Variants in SORCS3 observed in about 807,000 individuals in gnomAD.
SORCS3 encodes the protein sortilin related VPS10 domain containing receptor 3, also known as VPS10 domain-containing receptor SorCS3.
SORCS3 carries 57 observed loss-of-function variants against 146.3 expected under a neutral mutation model. That is an observed-to-expected ratio of 0.39 (90% CI 0.31 to 0.49). SORCS3 has a LOEUF of 0.49. Ranked by LOEUF, SORCS3 falls within the 20% of genes least tolerant of loss-of-function variation. SORCS3 has a pLI of 0.92. For synonymous variants in SORCS3, 653 were observed against 618.5 expected, an observed-to-expected ratio of 1.06 and a Z score of -0.83; for missense variants, 1,341 against 1,575.5, an observed-to-expected ratio of 0.85 and a Z score of 2.52.
chr10:104,646,135 C>T lies in SORCS3; in HGVS notation c.627+4181C>T, dbSNP rs116087129. On this transcript the variant is annotated intron_variant, in intron 1 of 26. Transcript: ENST00000369701. ...CCTGGTCATTGTTGGTCTGAGGGGC[C>T]GTAGGGAGAGGAGGAGCTGGGCACA... 4.2e-3 allele frequency among the ~76,000 whole-genome samples: 645 copies of T among 152,224 alleles called. 5 individuals are homozygous for T. Among genetic ancestry groups the T allele is most frequent in the African/African-American group, 0.014 (590 of 41,526 alleles).
At chr10:104,715,607 A>G (rs1407325714) in intron 1 of SORCS3, among the ~76,000 whole-genome samples, 1 of 152,212 alleles carries the variant, frequency 6.6e-6, no homozygotes, top group Non-Finnish European at 1.5e-5. Flanking sequence ...AGTACAGTAC[A>G]TCGAAGGGGT....
intron 1 of SORCS3, among the ~76,000 whole-genome samples, chr10:104,835,265 T>C (rs901073175): frequency 1.3e-5 from 2 of 152,190 alleles, no homozygotes; most frequent in Non-Finnish European, 2.9e-5. Context: ...AATACACTCC[T>C]GCAGGCAGTC....
At chr10:104,912,877 C>A (rs1589546868) in intron 2 of SORCS3, among the ~76,000 whole-genome samples, 3 of 152,058 alleles carry the variant, frequency 2.0e-5, no homozygotes, top group East Asian at 3.9e-4. Flanking sequence ...GTGATTAATC[C>A]CCCCCGGGAA....
chr10:104,735,053 C>T (rs936028887), intron 1 of SORCS3, among the ~76,000 whole-genome samples: 4 of 152,182 alleles, frequency 2.6e-5, no homozygotes, highest in Middle Eastern at 3.4e-3. Context: ...GAAATTATTT[C>T]CCCAGAACAG....
intron 4 of SORCS3, among the ~76,000 whole-genome samples, chr10:105,013,242 T>G (rs1045826518): frequency 2.6e-5 from 4 of 152,136 alleles, no homozygotes; most frequent in African/African-American, 9.7e-5. Context: ...GATGAGTACT[T>G]CTTTAACCTA....
intron 12 of SORCS3, 69 bp from the exon 13 acceptor site, chr10:105,167,189 G>A: frequency 1.6e-6 from 2 of 1,241,068 alleles, no homozygotes; most frequent in South Asian, 2.6e-5. Flanking sequence ...GTGAAAGACT[G>A]TAAACTGTTA....
rs1369769134 is a variant in SORCS3, at chr10:105,105,520, G to C, written c.1212+5G>C. ...GATGAATATATCTTCATTCAGGTGA[G>C]TACAGAAAGTGCAGTTGGTGGTAGG... On this transcript the variant is annotated splice_donor_5th_base_variant and intron_variant, in intron 7 of 26. Coordinates refer to ENST00000369701, the MANE Select transcript of SORCS3 (RefSeq NM_014978.3). 1 of 1,586,806 alleles carries C rather than the reference G, an allele frequency of 6.3e-7. No individual in the cohort carries two copies. The highest frequency in any genetic ancestry group is 1.1e-5 in the South Asian group (1 of 90,450).
intron 4 of SORCS3, among the ~76,000 whole-genome samples, chr10:105,026,727 A>C (rs2055234331): frequency 6.6e-6 from 1 of 152,246 alleles, no homozygotes. Flanking sequence ...TAAGGCAGAA[A>C]TGCAAAACCA....
chr10:104,681,331 CCCCG>C (rs140007137), intron 1 of SORCS3, among the ~76,000 whole-genome samples: 148,346 of 151,930 alleles, frequency 0.98, 72,479 homozygotes, highest in East Asian at 1. Context: ...CGTCATCCTC[CCCCG>C]CCCGCCCCTG....
chr10:104,779,977 G>T (rs1167354692), intron 1 of SORCS3, among the ~76,000 whole-genome samples: 1 of 152,146 alleles, frequency 6.6e-6, no homozygotes, highest in African/African-American at 2.4e-5. Flanking sequence ...AGGGAGGCTT[G>T]ACATGTGAAT....
intron 1 of SORCS3, among the ~76,000 whole-genome samples, chr10:104,775,155 A>G (rs2017294466): frequency 6.6e-6 from 1 of 152,056 alleles, no homozygotes; most frequent in Admixed American, 6.6e-5. Context: ...GCAGTTGGAA[A>G]CCTGAGTTTC....
intron 4 of SORCS3, among the ~76,000 whole-genome samples, chr10:105,025,153 C>G (rs2055218806): frequency 6.6e-6 from 1 of 152,164 alleles, no homozygotes; most frequent in African/African-American, 2.4e-5. Context: ...GCTGTTTTCC[C>G]CTTGCTCAAA....
At chr10:105,201,291 G>GTC in intron 16 of SORCS3, 38 bp downstream of exon 16, 1 of 1,584,144 alleles carries the variant, frequency 6.3e-7, no homozygotes, top group Non-Finnish European at 8.6e-7. Flanking sequence ...TTCCAACCAG[G>GTC]TCTTCACCTG....
At chr10:105,022,517 G>T (rs1454075497) in intron 4 of SORCS3, among the ~76,000 whole-genome samples, 1 of 151,738 alleles carries the variant, frequency 6.6e-6, no homozygotes. Context: ...TGGCCAGGCT[G>T]GTCTCGAACT....
chr10:105,062,582 G>A lies in SORCS3; in HGVS notation c.1028+19454G>A, dbSNP rs61606755. 5.2e-3 allele frequency among the ~76,000 whole-genome samples: 791 copies of A among 152,260 alleles called. 6 individuals carry two copies. Among genetic ancestry groups the A allele is most frequent in the African/African-American group, 0.017 (718 of 41,538 alleles). On this transcript the variant is annotated intron_variant, in intron 5 of 26. Transcript: ENST00000369701. ...GTGGGAGGGTGTTGAGTATTTCAGCGGTTGGAGAGGTCAAGGTTAAAAGTG... is the reference window on the plus strand; with the variant it reads ...GTGGGAGGGTGTTGAGTATTTCAGCAGTTGGAGAGGTCAAGGTTAAAAGTG...
At chr10:105,149,793 C>T (rs1193322054) in intron 9 of SORCS3, among the ~76,000 whole-genome samples, 1 of 152,048 alleles carries the variant, frequency 6.6e-6, no homozygotes, top group Non-Finnish European at 1.5e-5. Flanking sequence ...GAAGGGGTGC[C>T]TGAAACTCCT....
intron 5 of SORCS3, among the ~76,000 whole-genome samples, chr10:105,083,021 G>T (rs1385057668): frequency 6.6e-6 from 1 of 152,134 alleles, no homozygotes; most frequent in South Asian, 2.1e-4. Flanking sequence ...TTACAGGCAT[G>T]AGCCACCACG....
intron 1 of SORCS3, among the ~76,000 whole-genome samples, chr10:104,752,088 G>A (rs1443777823): frequency 1.3e-5 from 2 of 150,732 alleles, no homozygotes; most frequent in East Asian, 4.0e-4. Flanking sequence ...AGGCTGGGGT[G>A]CAGTGGTGCG....
chr10:104,736,765 G>A (rs951476202), intron 1 of SORCS3, among the ~76,000 whole-genome samples: 2 of 96,060 alleles, frequency 2.1e-5, no homozygotes, highest in Non-Finnish European at 4.0e-5. Flanking sequence ...TCTTTCAAAG[G>A]CATGTTTTCT....
Sources: gnomAD v4.1 joint callset for allele counts (sites outside exome capture counted in the v4.1 genomes callset) on GRCh38, gnomAD v4.1.1 for gene constraint, MANE v1.5 for transcripts, NCBI Gene and HGNC (gene_info 2026-07-23, HGNC 2026-07-21) for gene names.